The following VAV2 variants were observed in gnomAD, a reference collection of about 807,000 sequenced individuals.
The protein encoded by VAV2 is guanine nucleotide exchange factor VAV2.
A neutral mutation model predicts 132.5 loss-of-function variants in VAV2; 67 were observed. The observed-to-expected ratio is 0.51, with a 90% CI of 0.42 to 0.62. The LOEUF (loss-of-function observed/expected upper bound fraction) is 0.62, where lower values mean the gene tolerates loss of function less well. VAV2 is among the 20% of genes least tolerant of loss of function. The probability of loss-of-function intolerance (pLI) is 0.00; values close to 1 mark genes in which losing one functional copy is unlikely to be tolerated. For missense variants in VAV2, 938 were observed against 1,153.6 expected (o/e 0.81, Z 2.71); for synonymous variants, 492 against 443.5 (o/e 1.11, Z -1.37).
chr9:133,768,325 G>C lies in VAV2; in HGVS notation c.2589+117C>G. ...CTGTGAGGATGAGGGAGATTGCAGA[G>C]GGTGTCTGGAACAGGGCCTGGGGTG... On this transcript the variant is annotated intron_variant, in intron 29 of 29. Coordinates refer to ENST00000371850, the MANE Select transcript of VAV2 (RefSeq NM_001134398.2). This position sits in a 1 kb window ranked among gnomAD's most constrained non-coding sequence, Gnocchi z 5.3. The C allele has an allele frequency of 7.2e-7, 1 of 1,382,360 alleles. No homozygotes were observed. Among genetic ancestry groups the C allele is most frequent in the East Asian group, 2.4e-5 (1 of 41,992 alleles). The allele number at this position is 1,382,360 out of a possible 1,614,324, so 85.6% of individuals were successfully genotyped here.
In VAV2 at chr9:133,769,945, C is replaced by T. The variant is rs1432202031; in HGVS notation, c.2347+433G>A. ...CGGGGCCTGCCCCTGCCCCTGATTCCGTGTGGCCTTCCCTGTTCTGAGCTG... is the reference window on the plus strand; with the variant it reads ...CGGGGCCTGCCCCTGCCCCTGATTCTGTGTGGCCTTCCCTGTTCTGAGCTG... On this transcript the variant is annotated intron_variant, in intron 27 of 29. Coordinates refer to ENST00000371850, the MANE Select transcript of VAV2 (RefSeq NM_001134398.2). The surrounding 1 kb of genome is among the most constrained non-coding windows in gnomAD (Gnocchi z 8.1). Among the ~76,000 whole-genome samples, 2 of 152,224 alleles carry T rather than the reference C, an allele frequency of 1.3e-5. No homozygotes were observed. Among genetic ancestry groups the T allele is most frequent in the Non-Finnish European group, 2.9e-5 (2 of 68,028 alleles).
intron 2 of VAV2, among the ~76,000 whole-genome samples, chr9:133,914,891 GT>G (rs1192285790): frequency 1.0e-5 from 1 of 98,430 alleles, no homozygotes; most frequent in Non-Finnish European, 2.2e-5. Context: ...GGAGAGGGAG[GT>G]TTGGGACTTT....
chr9:133,817,919 C>T (rs193146410), intron 4 of VAV2, among the ~76,000 whole-genome samples: 3 of 152,240 alleles, frequency 2.0e-5, no homozygotes, highest in Admixed American at 2.0e-4. Context: ...CTAAGGACTA[C>T]CCAGAGAGCT....
intron 2 of VAV2, among the ~76,000 whole-genome samples, chr9:133,934,440 GTGTTTC>G (rs1214817822): frequency 6.6e-6 from 1 of 152,216 alleles, no homozygotes; most frequent in Admixed American, 6.5e-5. Context: ...GGCTGTGCGG[GTGTTTC>G]CAGAGGAGAC....
At chr9:133,864,140 C>CGAGTCCCAGTTAACAA (rs1837706781) in intron 2 of VAV2, among the ~76,000 whole-genome samples, 1 of 152,232 alleles carries the variant, frequency 6.6e-6, no homozygotes, top group South Asian at 2.1e-4. Flanking sequence ...TCGTCTGTTC[C>CGAGTCCCAGTTAACAA]GAGTCCCAGT....
intron 1 of VAV2, among the ~76,000 whole-genome samples, chr9:133,990,172 C>T (rs1173852070): frequency 6.6e-6 from 1 of 152,072 alleles, no homozygotes; most frequent in Non-Finnish European, 1.5e-5. Context: ...GACACACACC[C>T]ATCTGGTCCT....
intron 4 of VAV2, among the ~76,000 whole-genome samples, chr9:133,816,891 C>A (rs1027307541): frequency 6.6e-6 from 1 of 152,212 alleles, no homozygotes; most frequent in Non-Finnish European, 1.5e-5. Context: ...TGTCTTGATA[C>A]ATTTCATAGA....
Position 133,769,179 on chromosome 9 carries a change from C to T in VAV2, c.2434+238G>A, listed in dbSNP as rs1442255421. ...CTGGGAAAGTGGCCATCAGGGTGGG[C>T]GTGTCCACAGGGGGTGGGTGGTGAC... On this transcript the variant is annotated intron_variant, in intron 28 of 29. Coordinates refer to ENST00000371850, the MANE Select transcript of VAV2 (RefSeq NM_001134398.2). The surrounding 1 kb of genome is among the most constrained non-coding windows in gnomAD (Gnocchi z 8.1). 6.6e-6 allele frequency among the ~76,000 whole-genome samples: 1 copy of T among 152,336 alleles called. No homozygotes were observed. The highest frequency in any genetic ancestry group is 1.9e-4 in the East Asian group (1 of 5,180).
intron 1 of VAV2, among the ~76,000 whole-genome samples, chr9:133,949,177 G>A (rs922699564): frequency 5.3e-5 from 8 of 152,110 alleles, no homozygotes; most frequent in African/African-American, 7.2e-5. Flanking sequence ...ACACCACCTC[G>A]GCACTGGTAG....
rs1012204737 is a variant in VAV2, at chr9:133,861,315, C to T, written c.380+59G>A. On this transcript the variant is annotated intron_variant, in intron 3 of 29. Coordinates refer to ENST00000371850, the MANE Select transcript of VAV2 (RefSeq NM_001134398.2). Reference sequence around the variant, plus strand: ...CAACCCCAGTATCTGTGACAAGGCACGCTGGTGTCGATGGAGATGAAAGGA... The same window carrying T: ...CAACCCCAGTATCTGTGACAAGGCATGCTGGTGTCGATGGAGATGAAAGGA... 5.1e-5 allele frequency: 79 copies of T among 1,547,168 alleles called. 1 individual carries two copies. The highest frequency in any genetic ancestry group is 6.0e-5 in the Non-Finnish European group (68 of 1,141,110).
intron 2 of VAV2, among the ~76,000 whole-genome samples, chr9:133,916,250 C>G (rs1374642418): frequency 6.6e-6 from 1 of 152,232 alleles, no homozygotes; most frequent in Non-Finnish European, 1.5e-5. Flanking sequence ...CAGGCAACAC[C>G]GAGCTGGGCT....
intron 2 of VAV2, among the ~76,000 whole-genome samples, chr9:133,900,765 TG>T (rs200137782): frequency 1.2e-5 from 1 of 82,904 alleles, no homozygotes; most frequent in African/African-American, 3.7e-5. Flanking sequence ...CCTCCTGTCT[TG>T]ATTTATTTAT....
rs147581358 is a variant in VAV2, at chr9:133,977,081, G to A, written c.204+14994C>T. On this transcript the variant is annotated intron_variant, in intron 1 of 29. Coordinates refer to ENST00000371850, the MANE Select transcript of VAV2 (RefSeq NM_001134398.2). ...GAGGTGCTGGGAGTTGCGGAGCCCA[G>A]CTCCAGGCCCAGGCCACGCCCAGCC... Among the ~76,000 whole-genome samples the A allele has an allele frequency of 8.7e-3, 1,329 of 152,324 alleles. 10 individuals carry two copies. The highest frequency in any genetic ancestry group is 0.02 in the Middle Eastern group (6 of 294).
chr9:133,956,622 A>C (rs1047710827), intron 1 of VAV2, among the ~76,000 whole-genome samples: 18 of 152,200 alleles, frequency 1.2e-4, no homozygotes, highest in Non-Finnish European at 1.6e-4. Context: ...AAATGCGAAG[A>C]TCAACTGAGA....
chr9:133,846,412 C>T (rs541992589), intron 3 of VAV2, among the ~76,000 whole-genome samples: 31 of 152,348 alleles, frequency 2.0e-4, no homozygotes, highest in Admixed American at 3.3e-4. Flanking sequence ...AGCAGCCCCT[C>T]GGTGGCCCTG....
At chr9:133,796,712 C>G (rs1211728306) in intron 10 of VAV2, among the ~76,000 whole-genome samples, 188 bp from the exon 11 acceptor site, 2 of 152,148 alleles carry the variant, frequency 1.3e-5, no homozygotes, top group African/African-American at 4.8e-5. Context: ...GGCTTCACAA[C>G]ACATGGCTCC....
intron 2 of VAV2, among the ~76,000 whole-genome samples, chr9:133,891,239 T>G: frequency 8.7e-6 from 1 of 114,976 alleles, no homozygotes; most frequent in South Asian, 3.6e-4. Context: ...TCTCCCTCCC[T>G]CCCTCCCACT....
chr9:133,956,725 C>A (rs1182670178), intron 1 of VAV2, among the ~76,000 whole-genome samples: 2 of 152,216 alleles, frequency 1.3e-5, no homozygotes, highest in East Asian at 1.9e-4. Context: ...GAGGGGGATT[C>A]CCTGCTGCCA....
chr9:133,862,094 G>C (rs1188815614), intron 2 of VAV2, among the ~76,000 whole-genome samples: 2 of 152,268 alleles, frequency 1.3e-5, no homozygotes, highest in Non-Finnish European at 2.9e-5. Flanking sequence ...GACTGGTCAA[G>C]AGGAAGGTTT....
Sources: allele counts gnomAD v4.1 joint callset (sites outside exome capture counted in the v4.1 genomes callset), GRCh38; gene constraint gnomAD v4.1.1; non-coding constraint Gnocchi (gnomAD v3.1); transcripts MANE v1.5; gene names NCBI Gene and HGNC (gene_info 2026-07-23, HGNC 2026-07-21).